The following PIK3C2G variants were observed in gnomAD, a reference collection of about 807,000 sequenced individuals.
PIK3C2G encodes phosphatidylinositol-4-phosphate 3-kinase catalytic subunit type 2 gamma.
PIK3C2G carries 168 observed loss-of-function variants against 181.1 expected under a neutral mutation model. That is an observed-to-expected ratio of 0.93 (90% CI 0.82 to 1.05). PIK3C2G has a LOEUF of 1.05. Ranked by LOEUF, PIK3C2G falls within the 50% of genes least tolerant of loss-of-function variation. PIK3C2G has a pLI of 0.00. For missense variants in PIK3C2G, 1,869 were observed against 1,732.8 expected (o/e 1.08, Z -1.40); for synonymous variants, 573 against 592.2 (o/e 0.97, Z 0.47).
chr12:18,269,994 C>T (rs939579462), intron 1 of PIK3C2G, among the ~76,000 whole-genome samples: 1 of 150,770 alleles, frequency 6.6e-6, no homozygotes, highest in Non-Finnish European at 1.5e-5. Context: ...ACTGCAACCT[C>T]CACCTCCTGG....
At chr12:18,588,066 T>C (rs1468746765) in intron 29 of PIK3C2G, among the ~76,000 whole-genome samples, 3 of 152,046 alleles carry the variant, frequency 2.0e-5, no homozygotes, top group African/African-American at 7.2e-5. Context: ...AGACTGAAAC[T>C]GGACCCCTTC....
At chr12:18,491,341 G>A in intron 19 of PIK3C2G, 110 bp from the exon 20 acceptor site, 1 of 631,998 alleles carries the variant, frequency 1.6e-6, no homozygotes, top group East Asian at 2.7e-5. Flanking sequence ...ATCCAAGTGT[G>A]TAACCCTGAA....
At chr12:18,495,528 G>A (rs559231465) in intron 20 of PIK3C2G, among the ~76,000 whole-genome samples, 14 of 152,034 alleles carry the variant, frequency 9.2e-5, no homozygotes, top group Non-Finnish European at 1.8e-4. Context: ...TCTTATATCC[G>A]TTAGTTCCTG....
chr12:18,468,068 C>T lies in PIK3C2G; in HGVS notation c.2505-20381C>T, dbSNP rs546849911. On this transcript the variant is annotated intron_variant, in intron 18 of 32. Transcript: ENST00000538779. ...TGTCACTCAAACACAGCCCAAACCT[C>T]AACTGCTCCCCAGAAACCCATAAAA... is the stretch of plus-strand genomic sequence containing the variant. Among the ~76,000 whole-genome samples the T allele has an allele frequency of 2.6e-5, 4 of 152,144 alleles. No individual in the cohort carries two copies. In the South Asian group the frequency reaches 8.3e-4, roughly 31 times the overall value.
At chr12:18,306,449 T>A (rs1950424111) in intron 5 of PIK3C2G, among the ~76,000 whole-genome samples, 1 of 151,988 alleles carries the variant, frequency 6.6e-6, no homozygotes, top group Admixed American at 6.6e-5. Context: ...AAAATAACAA[T>A]AAACTCAAGA....
At chr12:18,565,255 A>G (rs765315289) in intron 28 of PIK3C2G, among the ~76,000 whole-genome samples, 30 of 152,210 alleles carry the variant, frequency 2.0e-4, no homozygotes, top group Non-Finnish European at 3.7e-4. Context: ...CAGAGTCATG[A>G]AGAATGAAAT....
intron 1 of PIK3C2G, among the ~76,000 whole-genome samples, chr12:18,254,753 G>A (rs533462260): frequency 6.9e-4 from 105 of 152,038 alleles, no homozygotes; most frequent in African/African-American, 2.4e-3. Context: ...TCGGGAGGCC[G>A]AGGCAAGAGA....
intron 13 of PIK3C2G, among the ~76,000 whole-genome samples, chr12:18,380,204 A>G (rs1365923989): frequency 6.6e-6 from 1 of 152,160 alleles, no homozygotes; most frequent in African/African-American, 2.4e-5. Context: ...GTGCTTACTC[A>G]GGTCCTTCTT....
chr12:18,311,693 C>T (rs16914093), intron 5 of PIK3C2G, among the ~76,000 whole-genome samples: 24,274 of 151,744 alleles, frequency 0.16, 2,215 homozygotes, highest in East Asian at 0.4. Flanking sequence ...CTCATTGTTT[C>T]TCTGTAATTT....
chr12:18,400,496 T>G (rs1592162199), intron 16 of PIK3C2G, among the ~76,000 whole-genome samples: 1 of 152,202 alleles, frequency 6.6e-6, no homozygotes, highest in East Asian at 1.9e-4. Flanking sequence ...ATCAGCTCAC[T>G]GATGCCATGA....
intron 12 of PIK3C2G, among the ~76,000 whole-genome samples, chr12:18,365,528 T>C (rs373482886): frequency 2.0e-5 from 3 of 152,330 alleles, no homozygotes; most frequent in East Asian, 3.9e-4. Flanking sequence ...CAGAAGCTTT[T>C]GGCACTGTTG....
intron 14 of PIK3C2G, 151 bp from the exon 15 acceptor site, chr12:18,390,971 A>G: frequency 2.0e-6 from 1 of 490,180 alleles, no homozygotes; most frequent in Non-Finnish European, 3.1e-6. Context: ...TCTAATAATT[A>G]TTTTAGAAAT....
At chr12:18,313,688 C>T (rs1438748417) in intron 5 of PIK3C2G, among the ~76,000 whole-genome samples, 1 of 151,988 alleles carries the variant, frequency 6.6e-6, no homozygotes, top group Non-Finnish European at 1.5e-5. Flanking sequence ...ATCATTTAAT[C>T]ATTTTCTAAC....
chr12:18,282,947 T>TAA (rs973236914), intron 2 of PIK3C2G, among the ~76,000 whole-genome samples, 188 bp downstream of exon 2: 1 of 133,580 alleles, frequency 7.5e-6, no homozygotes, highest in African/African-American at 2.8e-5. Flanking sequence ...AAAGGGAAAT[T>TAA]AAAAAAAAAA....
At chr12:18,402,680 G>A (rs1944313661) in intron 16 of PIK3C2G, among the ~76,000 whole-genome samples, 1 of 152,102 alleles carries the variant, frequency 6.6e-6, no homozygotes, top group African/African-American at 2.4e-5. Context: ...GAATGAGATT[G>A]TAATACTGCT....
intron 7 of PIK3C2G, among the ~76,000 whole-genome samples, chr12:18,324,444 T>C (rs1951246306): frequency 2.0e-5 from 3 of 152,162 alleles, no homozygotes; most frequent in Non-Finnish European, 2.9e-5. Context: ...AGTCAGGAGT[T>C]TTCAAGACAA....
chr12:18,650,664 ATGTGTGTGTG>A (rs1159499235), downstream of PIK3C2G, among the ~76,000 whole-genome samples: 176 of 35,538 alleles, frequency 5.0e-3, 7 homozygotes, highest in South Asian at 8.7e-3. Flanking sequence ...TGGAATATAA[ATGTGTGTGTG>A]TGTGTGTGTG....
At chr12:18,325,210 A>T in intron 8 of PIK3C2G, 112 bp downstream of exon 8, 1 of 629,708 alleles carries the variant, frequency 1.6e-6, no homozygotes, top group Non-Finnish European at 2.8e-6. Context: ...AAAACAGAGG[A>T]TCTACACTTG....
At chr12:18,400,934 A>G (rs1275885212) in intron 16 of PIK3C2G, among the ~76,000 whole-genome samples, 1 of 151,796 alleles carries the variant, frequency 6.6e-6, no homozygotes, top group Non-Finnish European at 1.5e-5. Context: ...TTCTTTTGTA[A>G]GCCTTCTTGT....
Sources: allele counts gnomAD v4.1 joint callset (sites outside exome capture counted in the v4.1 genomes callset), GRCh38; gene constraint gnomAD v4.1.1; transcripts MANE v1.5; gene names NCBI Gene and HGNC (gene_info 2026-07-23, HGNC 2026-07-21).